Variants in PITPNC1 observed in about 807,000 individuals in gnomAD.
PITPNC1 encodes the protein cytoplasmic phosphatidylinositol transfer protein 1.
PITPNC1 carries 18 observed loss-of-function variants against 44.7 expected under a neutral mutation model. The observed-to-expected ratio is 0.40, with a 90% confidence interval of 0.28 to 0.60. The LOEUF (loss-of-function observed/expected upper bound fraction) is 0.60, where lower values mean the gene tolerates loss of function less well. PITPNC1 is among the 20% of genes least tolerant of loss of function. PITPNC1 has a pLI of 0.39. For synonymous variants in PITPNC1, 141 were observed against 149.6 expected (o/e 0.94, Z 0.42); for missense variants, 290 against 418.4 (o/e 0.69, Z 2.68).
At chr17:67,462,765 T>C (rs970267287) in intron 1 of PITPNC1, among the ~76,000 whole-genome samples, 1 of 146,700 alleles carries the variant, frequency 6.8e-6, no homozygotes, top group African/African-American at 2.5e-5. Context: ...TGCAATGGCG[T>C]GATATCGGCT....
Position 67,509,034 on chromosome 17 carries a change from G to A in PITPNC1, c.49-23768G>A, listed in dbSNP as rs150637594. On this transcript the variant is annotated intron_variant, in intron 1 of 8. Coordinates refer to ENST00000581322, the MANE Select transcript of PITPNC1 (RefSeq NM_012417.4). ...GGATCACATGAGGTCAGGAGTTCGAGACCAGCCTGACCAACATGGTGAAAC... is the reference window on the plus strand; with the variant it reads ...GGATCACATGAGGTCAGGAGTTCGAAACCAGCCTGACCAACATGGTGAAAC... Among the ~76,000 whole-genome samples the A allele has an allele frequency of 7.4e-3, 1,129 of 151,978 alleles. 13 individuals carry two copies. Among genetic ancestry groups the A allele is most frequent in the African/African-American group, 0.026 (1,069 of 41,422 alleles).
intron 6 of PITPNC1, among the ~76,000 whole-genome samples, chr17:67,657,538 C>T (rs916041718): frequency 6.6e-6 from 1 of 152,054 alleles, no homozygotes; most frequent in African/African-American, 2.4e-5. Context: ...AGCCCTATTG[C>T]CGAGTGCCTG....
chr17:67,628,248 C>A (rs2041919509), intron 5 of PITPNC1, among the ~76,000 whole-genome samples: 1 of 152,018 alleles, frequency 6.6e-6, no homozygotes, highest in Non-Finnish European at 1.5e-5. Flanking sequence ...CTCCATTCTG[C>A]CTTGTATTTT....
chr17:67,648,414 C>T (rs1203247138), intron 6 of PITPNC1, among the ~76,000 whole-genome samples: 2 of 152,206 alleles, frequency 1.3e-5, no homozygotes, highest in Non-Finnish European at 2.9e-5. Context: ...AATAAGCTCC[C>T]TTTATGGGAG....
chr17:67,608,236 AAAAAAAAAAAC>A (rs1281876629), intron 5 of PITPNC1, among the ~76,000 whole-genome samples: 12 of 67,634 alleles, frequency 1.8e-4, no homozygotes, highest in Non-Finnish European at 2.8e-4. Context: ...ATGTCAATTA[AAAAAAAAAAAC>A]AAAAAAAAAC....
intron 1 of PITPNC1, among the ~76,000 whole-genome samples, chr17:67,504,996 C>G (rs1476050511): frequency 6.6e-6 from 1 of 152,122 alleles, no homozygotes; most frequent in Non-Finnish European, 1.5e-5. Flanking sequence ...CTCTTAAACC[C>G]ATTGGTTATT....
At chr17:67,613,449 TA>T (rs1268999579) in intron 5 of PITPNC1, 10 of 152,274 alleles carry the variant, frequency 6.6e-5, no homozygotes, top group African/African-American at 2.4e-4. Flanking sequence ...TGTGTTATTA[TA>T]AATAACGTTA....
intron 5 of PITPNC1, among the ~76,000 whole-genome samples, chr17:67,606,567 C>T (rs1231671137): frequency 6.6e-6 from 1 of 152,178 alleles, no homozygotes; most frequent in Non-Finnish European, 1.5e-5. Flanking sequence ...AAGTGAGGAC[C>T]CTTTGCCTGT....
At chr17:67,379,025 A>G in intron 1 of PITPNC1, 1 of 985,582 alleles carries the variant, frequency 1.0e-6, no homozygotes, top group Non-Finnish European at 1.2e-6. Flanking sequence ...GAGCTCCAGT[A>G]TTCAGGAAGT....
chr17:67,603,878 C>T (rs1204139524), intron 5 of PITPNC1, among the ~76,000 whole-genome samples: 3 of 151,174 alleles, frequency 2.0e-5, no homozygotes, highest in African/African-American at 7.3e-5. Context: ...TGCAGTAAGC[C>T]AAGATCCAAG....
chr17:67,474,249 C>T (rs1160045171), intron 1 of PITPNC1, among the ~76,000 whole-genome samples: 3 of 152,066 alleles, frequency 2.0e-5, no homozygotes, highest in Non-Finnish European at 1.5e-5. Context: ...TTGGGAGGGT[C>T]GATTTCCATG....
chr17:67,383,602 G>A (rs575148050), intron 1 of PITPNC1, among the ~76,000 whole-genome samples: 1 of 152,320 alleles, frequency 6.6e-6, no homozygotes, highest in African/African-American at 2.4e-5. Context: ...GCTCCTTGGA[G>A]CACAGTCTGA....
intron 1 of PITPNC1, among the ~76,000 whole-genome samples, chr17:67,502,449 T>G (rs1418806309): frequency 6.6e-6 from 1 of 152,014 alleles, no homozygotes; most frequent in Non-Finnish European, 1.5e-5. Context: ...ATTGGAAAAT[T>G]TAGGATATTG....
At chr17:67,562,504 C>A (rs534771312) in intron 4 of PITPNC1, among the ~76,000 whole-genome samples, 1 of 152,236 alleles carries the variant, frequency 6.6e-6, no homozygotes, top group East Asian at 1.9e-4. Context: ...ACATGCAATT[C>A]CTTTTCTTCC....
chr17:67,632,034 G>C, intron 5 of PITPNC1, 109 bp from the exon 6 acceptor site: 1 of 661,194 alleles, frequency 1.5e-6, no homozygotes, highest in East Asian at 2.7e-5. Flanking sequence ...ACTAGCCGGG[G>C]GCCCTGAGAC....
At chr17:67,407,743 G>A (rs958310178) in intron 1 of PITPNC1, among the ~76,000 whole-genome samples, 6 of 151,598 alleles carry the variant, frequency 4.0e-5, no homozygotes, top group African/African-American at 9.7e-5. Flanking sequence ...GCGGTGAGCC[G>A]AGATCACGCC....
chr17:67,514,526 C>G (rs963109908), intron 1 of PITPNC1, among the ~76,000 whole-genome samples: 1 of 151,120 alleles, frequency 6.6e-6, no homozygotes, highest in Non-Finnish European at 1.5e-5. Flanking sequence ...AACTGATCAA[C>G]TGTGAAAGTC....
At chr17:67,523,359 C>T (rs1057342614) in intron 1 of PITPNC1, among the ~76,000 whole-genome samples, 5 of 152,118 alleles carry the variant, frequency 3.3e-5, no homozygotes, top group African/African-American at 4.8e-5. Flanking sequence ...TTCTGGAACC[C>T]GCAGCATAAC....
intron 2 of PITPNC1, among the ~76,000 whole-genome samples, chr17:67,540,391 C>T (rs959793375): frequency 3.3e-5 from 5 of 152,150 alleles, no homozygotes; most frequent in African/African-American, 1.2e-4. Context: ...AGGTGTGAGC[C>T]ATCGCACCTG....
Sources: gnomAD v4.1 joint callset for allele counts (sites outside exome capture counted in the v4.1 genomes callset) on GRCh38, gnomAD v4.1.1 for gene constraint, MANE v1.5 for transcripts, NCBI Gene and HGNC (gene_info 2026-07-23, HGNC 2026-07-21) for gene names.